The following TAB2 variants were observed in gnomAD, a reference collection of about 807,000 sequenced individuals.
The protein encoded by TAB2 is TGF-beta-activated kinase 1 and MAP3K7-binding protein 2.
TAB2 carries 3 observed loss-of-function variants against 65.0 expected under a neutral mutation model. The ratio of observed to expected loss-of-function variants is 0.05; its 90% CI spans 0.02 to 0.12. The LOEUF is 0.12. Among genes scored for constraint, TAB2 ranks in the 10% least tolerant of loss-of-function variants. The probability of loss-of-function intolerance (pLI) is 1.00; values close to 1 mark genes in which losing one functional copy is unlikely to be tolerated. For synonymous variants in TAB2, 298 were observed against 285.1 expected (o/e 1.05, Z -0.46); for missense variants, 623 against 840.3 (o/e 0.74, Z 3.20).
At chr6:149,351,237 T>G (rs1780479779) in intron 1 of TAB2, among the ~76,000 whole-genome samples, 1 of 152,132 alleles carries the variant, frequency 6.6e-6, no homozygotes. Context: ...TTGTCAGATT[T>G]CCCCAACTGC....
intron 1 of TAB2, among the ~76,000 whole-genome samples, chr6:149,285,664 C>T (rs986447418): frequency 1.3e-5 from 2 of 152,308 alleles, no homozygotes; most frequent in East Asian, 1.9e-4. Flanking sequence ...ATAAGGAAGG[C>T]GCGTAAGAGA....
At chr6:149,278,170 A>T (rs79625186) in intron 1 of TAB2, among the ~76,000 whole-genome samples, 2 of 152,162 alleles carry the variant, frequency 1.3e-5, no homozygotes, top group African/African-American at 4.8e-5. Flanking sequence ...TACTATAATT[A>T]TCATTCCAAG....
At chr6:149,390,561 A>G (rs184812693) in intron 3 of TAB2, among the ~76,000 whole-genome samples, 20 of 152,344 alleles carry the variant, frequency 1.3e-4, no homozygotes, top group Non-Finnish European at 7.4e-5. Context: ...TTTAAATTTC[A>G]AATAAAATTG....
chr6:149,230,011 A>G (rs1331165354), intron 1 of TAB2: 1 of 152,236 alleles, frequency 6.6e-6, no homozygotes, highest in Non-Finnish European at 1.5e-5. Flanking sequence ...AAGTTAGAAT[A>G]ATGGAAAGGC....
intron 1 of TAB2, among the ~76,000 whole-genome samples, chr6:149,350,507 C>G (rs979340497): frequency 4.6e-5 from 7 of 151,714 alleles, no homozygotes; most frequent in East Asian, 1.9e-4. Context: ...AAAATCTTCT[C>G]TTACATTCTT....
chr6:149,378,353 T>C lies in TAB2; in HGVS notation c.438T>C (p.Ser146=), dbSNP rs150852637. 1.1e-4 allele frequency: 171 copies of C among 1,614,244 alleles called. No individual in the cohort carries two copies. In the African/African-American group the frequency reaches 2.1e-3, roughly 19 times the overall value. ...ATGTTTTTGGAATGTCCAGTTCCTC[T>C]GGTGCTTCAAATTCAGCACCACATC... ...GFNVFGMSSS[S]GASNSAPHLG... is the part of the protein sequence containing the mutation. The change falls in exon 3 of 7, where the codon TCT becomes TCC. Residue 146 remains serine (S), a synonymous_variant. Transcript: ENST00000637181.
intron 1 of TAB2, among the ~76,000 whole-genome samples, chr6:149,329,436 TGCAACA>T (rs1213333230): frequency 6.6e-6 from 1 of 152,192 alleles, no homozygotes; most frequent in Non-Finnish European, 1.5e-5. Context: ...AGACCAGGGT[TGCAACA>T]GGTGAGGAAG....
intron 6 of TAB2, among the ~76,000 whole-genome samples, chr6:149,409,249 C>G (rs1782763247): frequency 6.6e-6 from 1 of 152,186 alleles, no homozygotes; most frequent in Admixed American, 6.5e-5. Flanking sequence ...TGCAGTAGGA[C>G]AGCTTTTTAC....
At chr6:149,387,841 C>T (rs578122741) in intron 3 of TAB2, among the ~76,000 whole-genome samples, 250 of 152,218 alleles carry the variant, frequency 1.6e-3, no homozygotes, top group Middle Eastern at 6.8e-3. Context: ...AATTCCATGT[C>T]AGCAGGATCT....
chr6:149,392,421 T>C (rs1782020631), intron 3 of TAB2, among the ~76,000 whole-genome samples: 1 of 152,238 alleles, frequency 6.6e-6, no homozygotes, highest in Non-Finnish European at 1.5e-5. Context: ...AACTATGAGG[T>C]GATCCTTAAA....
intron 1 of TAB2, among the ~76,000 whole-genome samples, chr6:149,242,590 A>G (rs543871406): frequency 6.6e-6 from 1 of 152,332 alleles, no homozygotes; most frequent in African/African-American, 2.4e-5. Context: ...CCAAAAATGG[A>G]AATGCCCCAG....
Position 149,256,932 on chromosome 6 carries a change from T to C in TAB2, c.-121+38156T>C, listed in dbSNP as rs536085074. ...AAAGGTAGCAATTTATCTCTTTCTT[T>C]ATAATTAAGTCAGTTTAAATTAATT... On this transcript the variant is annotated intron_variant, in intron 1 of 1. Transcript: ENST00000606202. Among the ~76,000 whole-genome samples the C allele has an allele frequency of 3.3e-5, 5 of 152,346 alleles. No individual in the cohort carries two copies. In the South Asian group the frequency reaches 1.0e-3, roughly 32 times the overall value.
chr6:149,311,334 G>A (rs939715349), intron 1 of TAB2, among the ~76,000 whole-genome samples: 1 of 152,086 alleles, frequency 6.6e-6, no homozygotes, highest in African/African-American at 2.4e-5. Flanking sequence ...CTTGTTCAAG[G>A]TTCATCTGGA....
chr6:149,237,512 C>T (rs550885880), intron 1 of TAB2, among the ~76,000 whole-genome samples: 3 of 152,318 alleles, frequency 2.0e-5, no homozygotes, highest in South Asian at 4.1e-4. Context: ...TACCAAGGTG[C>T]CAAATCCAGG....
chr6:149,332,129 T>G (rs1409805165), intron 1 of TAB2, among the ~76,000 whole-genome samples: 2 of 152,190 alleles, frequency 1.3e-5, no homozygotes, highest in Non-Finnish European at 2.9e-5. Context: ...GGGAGCATGG[T>G]AAAGTAGCAA....
chr6:149,222,205 T>G (rs1777162701), intron 1 of TAB2, among the ~76,000 whole-genome samples: 1 of 152,194 alleles, frequency 6.6e-6, no homozygotes, highest in African/African-American at 2.4e-5. Flanking sequence ...CCTCTCTGGA[T>G]CTCAGGCCTT....
intron 1 of TAB2, chr6:149,246,785 G>A (rs1260794477): frequency 1.3e-5 from 2 of 152,292 alleles, no homozygotes; most frequent in African/African-American, 4.8e-5. Context: ...TCCCAGCTCA[G>A]CCTCCTGAGT....
chr6:149,337,558 A>G (rs1779971901), intron 1 of TAB2, among the ~76,000 whole-genome samples: 3 of 152,306 alleles, frequency 2.0e-5, no homozygotes, highest in South Asian at 4.1e-4. Flanking sequence ...AACATAGAAA[A>G]TTTCAAAGTT....
chr6:149,380,963 C>T (rs998681109), intron 3 of TAB2, among the ~76,000 whole-genome samples: 1 of 152,286 alleles, frequency 6.6e-6, no homozygotes. Flanking sequence ...AAAAAATCAG[C>T]TGGGCACAGT....
Sources: gnomAD v4.1 joint callset for allele counts (sites outside exome capture counted in the v4.1 genomes callset) on GRCh38, gnomAD v4.1.1 for gene constraint, MANE v1.5 for transcripts, NCBI Gene and HGNC (gene_info 2026-07-23, HGNC 2026-07-21) for gene names.